Variants in PCDHGB3 observed in about 807,000 individuals in gnomAD.
The protein encoded by PCDHGB3 is protocadherin gamma-B3.
In PCDHGB3, 40 loss-of-function variants were observed where a neutral mutation model predicts 59.2. That is an observed-to-expected ratio of 0.68 (90% confidence interval 0.52 to 0.88). The LOEUF is 0.88. PCDHGB3 is among the 40% of genes least tolerant of loss of function. The pLI, the probability that PCDHGB3 is intolerant of heterozygous loss-of-function variation, is 0.00. For synonymous variants in PCDHGB3, 581 were observed against 503.6 expected (o/e 1.15, Z -2.06); for missense variants, 1,309 against 1,187.9 (o/e 1.10, Z -1.50).
chr5:141,507,344 AT>A (rs1345461058), intron 3 of PCDHGB3: 5 of 152,206 alleles, frequency 3.3e-5, no homozygotes, highest in Non-Finnish European at 5.9e-5. Context: ...TTTACCTGAA[AT>A]TCAAATTTAA....
intron 1 of PCDHGB3, among the ~76,000 whole-genome samples, chr5:141,459,561 C>T (rs912894386): frequency 2.6e-5 from 4 of 151,954 alleles, no homozygotes; most frequent in African/African-American, 7.3e-5. Context: ...GGATAAATAC[C>T]CCAAAACAGA....
rs188953728 is a variant in PCDHGB3, at chr5:141,448,550, T to A, written c.2416-46257T>A. Among the ~76,000 whole-genome samples, 304 of 152,316 alleles carry A rather than the reference T, an allele frequency of 2.0e-3. 1 individual carries two copies. Among genetic ancestry groups the A allele is most frequent in the African/African-American group, 6.6e-3 (275 of 41,578 alleles). On this transcript the variant is annotated intron_variant, in intron 1 of 3. Transcript: ENST00000576222. ...CCTGTCAGCATTTCTTATGCAAATA[T>A]GTACATATATTTTTATTTCCCCATT...
intron 1 of PCDHGB3, chr5:141,421,412 A>T (rs375885183): frequency 4.3e-6 from 7 of 1,613,962 alleles, no homozygotes; most frequent in Non-Finnish European, 5.9e-6. Context: ...GAGCTGGCGA[A>T]GCGCGGAGTC....
chr5:141,374,328 G>A, intron 1 of PCDHGB3: 5 of 1,613,996 alleles, frequency 3.1e-6, no homozygotes, highest in Non-Finnish European at 4.2e-6. Context: ...CCGCGAAACG[G>A]CAGCTTGGTC....
chr5:141,484,940 G>C, intron 1 of PCDHGB3: 1 of 541,138 alleles, frequency 1.8e-6, no homozygotes, highest in Non-Finnish European at 3.3e-6. Flanking sequence ...GACGTTCTCT[G>C]CTCAGCCTAT....
intron 1 of PCDHGB3, chr5:141,423,426 G>A: frequency 6.2e-7 from 1 of 1,614,028 alleles, no homozygotes; most frequent in Non-Finnish European, 8.5e-7. Context: ...AAGGCGGGTT[G>A]GCAGGTATGC....
Position 141,431,300 on chromosome 5 carries a change from A to G in PCDHGB3, c.2415+58491A>G, listed in dbSNP as rs200375087. 7.4e-6 allele frequency: 12 copies of G among 1,614,008 alleles called. No homozygotes were observed. Among genetic ancestry groups the G allele is most frequent in the Admixed American group, 1.7e-5 (1 of 60,010 alleles). ...CAGCCCGAACACTCACTTCTCCCTC[A>G]TCGTGCAAAATGGAGCCGACGGTAG... On this transcript the variant is annotated intron_variant, in intron 1 of 3. Coordinates refer to ENST00000576222, the MANE Select transcript of PCDHGB3 (RefSeq NM_018924.5). This position sits in a 1 kb window ranked among gnomAD's most constrained non-coding sequence, Gnocchi z 4.8.
intron 1 of PCDHGB3, among the ~76,000 whole-genome samples, chr5:141,473,096 G>A (rs1007912058): frequency 9.9e-5 from 15 of 152,058 alleles, no homozygotes; most frequent in African/African-American, 3.6e-4. Context: ...ACTGTGAGTT[G>A]TATTACCACA....
In PCDHGB3 at chr5:141,472,878, C is replaced by T. The variant is rs774209715; in HGVS notation, c.2416-21929C>T. ...GCACATGCCTGTATTCCCAGCTACT[C>T]GGGAGGCTGAGGCAGGAGAATTGCT... On this transcript the variant is annotated intron_variant, in intron 1 of 3. Transcript: ENST00000576222. 6.8e-5 allele frequency among the ~76,000 whole-genome samples: 10 copies of T among 146,132 alleles called. 1 individual carries two copies. The highest frequency in any genetic ancestry group is 4.2e-4 in the East Asian group (2 of 4,758).
At chr5:141,461,302 T>A (rs1009664719) in intron 1 of PCDHGB3, among the ~76,000 whole-genome samples, 3 of 152,142 alleles carry the variant, frequency 2.0e-5, no homozygotes. Flanking sequence ...CAACATCTAT[T>A]GTTTTTTGAC....
At chr5:141,430,661 G>A in intron 1 of PCDHGB3, 1 of 1,159,744 alleles carries the variant, frequency 8.6e-7, no homozygotes, top group South Asian at 2.1e-5. Context: ...CAACGGAGGA[G>A]CTCTGACTTC....
chr5:141,487,143 C>T lies in PCDHGB3; in HGVS notation c.2416-7664C>T. Reference sequence around the variant, plus strand: ...GATAGTGGTAGTCCACCACTCTCTACCTCTGTTACTCTCTTAGTGTCCTTA... The same window carrying T: ...GATAGTGGTAGTCCACCACTCTCTATCTCTGTTACTCTCTTAGTGTCCTTA... On this transcript the variant is annotated intron_variant, in intron 1 of 3. Coordinates refer to ENST00000576222, the MANE Select transcript of PCDHGB3 (RefSeq NM_018924.5). This position sits in a 1 kb window ranked among gnomAD's most constrained non-coding sequence, Gnocchi z 5.0. 1.2e-6 allele frequency: 2 copies of T among 1,614,028 alleles called. No homozygotes were observed. Among genetic ancestry groups the T allele is most frequent in the Non-Finnish European group, 1.7e-6 (2 of 1,179,862 alleles).
In PCDHGB3 at chr5:141,409,837, C is replaced by G. The variant is rs182654621; in HGVS notation, c.2415+37028C>G. 823 of 1,611,470 alleles carry G rather than the reference C, an allele frequency of 5.1e-4. 5 individuals carry two copies. The East Asian group carries it at 9.5e-3, about 19-fold the overall frequency. On this transcript the variant is annotated intron_variant, in intron 1 of 3. Coordinates refer to ENST00000576222, the MANE Select transcript of PCDHGB3 (RefSeq NM_018924.5). ...ACGGCTCGCCCACGCTCAGCGCCAACGTGAGCCTGCGCGTGTTGGTGGGAG... is the reference window on the plus strand; with the variant it reads ...ACGGCTCGCCCACGCTCAGCGCCAAGGTGAGCCTGCGCGTGTTGGTGGGAG...
intron 1 of PCDHGB3, chr5:141,416,038 G>T: frequency 5.1e-6 from 1 of 196,894 alleles, no homozygotes; most frequent in Non-Finnish European, 1.0e-5. Flanking sequence ...AATCACCTCT[G>T]GAAACACAAC....
Position 141,432,147 on chromosome 5 carries a change from A to G in PCDHGB3, c.2415+59338A>G. 6.2e-7 allele frequency: 1 copy of G among 1,614,066 alleles called. No individual in the cohort carries two copies. The highest frequency in any genetic ancestry group is 8.5e-7 in the Non-Finnish European group (1 of 1,179,998). ...GCCTCCTATTCCGCTTATATCCCAG[A>G]GAACAATCCCAGAGGAGTTTCCCTC... On this transcript the variant is annotated intron_variant, in intron 1 of 3. Transcript: ENST00000576222. The surrounding 1 kb of genome is among the most constrained non-coding windows in gnomAD (Gnocchi z 6.0).
intron 2 of PCDHGB3, among the ~76,000 whole-genome samples, chr5:141,503,202 C>G (rs1562210201): frequency 6.6e-6 from 1 of 152,090 alleles, no homozygotes; most frequent in East Asian, 1.9e-4. Context: ...ATCAGCCTCT[C>G]AGTGCCCACC....
In PCDHGB3 at chr5:141,493,811, A is replaced by T. The variant is rs956872917; in HGVS notation, c.2416-996A>T. Reference sequence around the variant, plus strand: ...CTCCCTGGAGTAATCTGAGATACTCACACTCTCTGCTTCTGGGAGCAAGTA... The same window carrying T: ...CTCCCTGGAGTAATCTGAGATACTCTCACTCTCTGCTTCTGGGAGCAAGTA... On this transcript the variant is annotated intron_variant, in intron 1 of 3. Transcript: ENST00000576222. The surrounding 1 kb of genome is among the most constrained non-coding windows in gnomAD (Gnocchi z 4.3). Among the ~76,000 whole-genome samples the T allele has an allele frequency of 1.3e-5, 2 of 152,154 alleles. No homozygotes were observed. The highest frequency in any genetic ancestry group is 2.9e-5 in the Non-Finnish European group (2 of 68,036).
chr5:141,388,378 A>G, intron 1 of PCDHGB3: 1 of 1,614,028 alleles, frequency 6.2e-7, no homozygotes, highest in Non-Finnish European at 8.5e-7. Context: ...ATTGGTAGCA[A>G]CACACTGCAG....
intron 1 of PCDHGB3, chr5:141,398,674 A>T: frequency 6.2e-7 from 1 of 1,614,010 alleles, no homozygotes; most frequent in Non-Finnish European, 8.5e-7. Context: ...ATTAATAATT[A>T]AGGAGAAACA....
Sources: allele counts gnomAD v4.1 joint callset (sites outside exome capture counted in the v4.1 genomes callset), GRCh38; gene constraint gnomAD v4.1.1; non-coding constraint Gnocchi (gnomAD v3.1); transcripts MANE v1.5; gene names NCBI Gene and HGNC (gene_info 2026-07-23, HGNC 2026-07-21).